SEMA3A: variants seen among roughly 807,000 people sequenced by gnomAD.
SEMA3A encodes the protein semaphorin-3A.
Under a neutral mutation model 97.9 loss-of-function variants are expected in SEMA3A, and 29 were observed. The observed-to-expected ratio is 0.30, with a 90% confidence interval of 0.22 to 0.40. SEMA3A has a LOEUF of 0.40. SEMA3A is among the 10% of genes least tolerant of loss of function. SEMA3A has a pLI of 1.00. For missense variants in SEMA3A, 763 were observed against 951.3 expected, an observed-to-expected ratio of 0.80 and a Z score of 2.60; for synonymous variants, 321 against 323.7, an observed-to-expected ratio of 0.99 and a Z score of 0.09.
intron 1 of SEMA3A, among the ~76,000 whole-genome samples, chr7:84,430,692 G>C (rs1025005134): frequency 6.6e-6 from 1 of 151,846 alleles, no homozygotes; most frequent in Admixed American, 6.6e-5. Flanking sequence ...TGGGAAACAG[G>C]TTGGCTGAGA....
chr7:84,090,376 T>C (rs1418938668), intron 4 of SEMA3A, among the ~76,000 whole-genome samples: 1 of 152,204 alleles, frequency 6.6e-6, no homozygotes, highest in Non-Finnish European at 1.5e-5. Flanking sequence ...AACTTCTTTA[T>C]GTATTGATCC....
At chr7:84,321,898 A>AAAAAAAAAAAAAAC (rs1562902785) in intron 2 of SEMA3A, among the ~76,000 whole-genome samples, 1 of 61,770 alleles carries the variant, frequency 1.6e-5, no homozygotes, top group Non-Finnish European at 2.9e-5. Flanking sequence ...AAAAAAAAAA[A>AAAAAAAAAAAAAAC]AGAAGAAGAA....
intron 2 of SEMA3A, among the ~76,000 whole-genome samples, chr7:84,129,505 G>C (rs143250236): frequency 4.3e-4 from 65 of 152,250 alleles, no homozygotes; most frequent in African/African-American, 1.5e-3. Context: ...TTGAGAGAAC[G>C]TGAGAATTTA....
intron 3 of SEMA3A, among the ~76,000 whole-genome samples, chr7:84,201,236 T>C (rs921771868): frequency 3.9e-4 from 60 of 152,070 alleles, no homozygotes; most frequent in Admixed American, 3.9e-3. Flanking sequence ...ACTTTTTTCT[T>C]TGTCTTAAAT....
At chr7:84,140,371 C>T (rs1003369091) in intron 1 of SEMA3A, among the ~76,000 whole-genome samples, 5 of 152,088 alleles carry the variant, frequency 3.3e-5, no homozygotes, top group Admixed American at 3.3e-4. Context: ...GGAAGAACTC[C>T]TGTATATTTG....
At chr7:84,007,949 G>A (rs1015715396) in intron 9 of SEMA3A, among the ~76,000 whole-genome samples, 5 of 152,136 alleles carry the variant, frequency 3.3e-5, no homozygotes, top group South Asian at 2.1e-4. Context: ...ACAAAAGATC[G>A]TGTCAAATGA....
intron 3 of SEMA3A, among the ~76,000 whole-genome samples, chr7:84,261,349 A>G (rs924845400): frequency 6.6e-6 from 1 of 152,190 alleles, no homozygotes; most frequent in Admixed American, 6.5e-5. Context: ...GCAGGACTGA[A>G]AGAGCTATAA....
chr7:84,232,770 C>A (rs1233966092), intron 3 of SEMA3A, among the ~76,000 whole-genome samples: 1 of 151,858 alleles, frequency 6.6e-6, no homozygotes, highest in Non-Finnish European at 1.5e-5. Flanking sequence ...CTCTTCAAAT[C>A]CAAAAGAATG....
chr7:84,425,196 A>C (rs1302217651), intron 1 of SEMA3A, among the ~76,000 whole-genome samples: 1 of 116,510 alleles, frequency 8.6e-6, no homozygotes, highest in Non-Finnish European at 1.6e-5. Flanking sequence ...TATTTACATA[A>C]ATAAATTTAC....
At chr7:84,227,750 G>A (rs560683847) in intron 3 of SEMA3A, among the ~76,000 whole-genome samples, 5 of 151,934 alleles carry the variant, frequency 3.3e-5, no homozygotes, top group Non-Finnish European at 7.4e-5. Flanking sequence ...TGAAATACCC[G>A]GCTTATGCAA....
intron 2 of SEMA3A, among the ~76,000 whole-genome samples, chr7:84,365,484 T>C (rs1802825360): frequency 7.4e-6 from 1 of 135,090 alleles, no homozygotes; most frequent in South Asian, 2.3e-4. Flanking sequence ...CAAACCCTCA[T>C]CTCTCTTTGT....
intron 2 of SEMA3A, among the ~76,000 whole-genome samples, chr7:84,331,245 C>A (rs1411665951): frequency 6.6e-6 from 1 of 151,936 alleles, no homozygotes; most frequent in Non-Finnish European, 1.5e-5. Flanking sequence ...AAGGAATTTG[C>A]CAGGGGTATT....
chr7:83,965,651 TA>T (rs1562943508), intron 15 of SEMA3A, among the ~76,000 whole-genome samples: 182 of 13,302 alleles, frequency 0.014, 6 homozygotes, highest in Non-Finnish European at 0.022. Context: ...TATATATATA[TA>T]TATATATATA....
intron 1 of SEMA3A, among the ~76,000 whole-genome samples, chr7:84,135,306 T>C (rs1463700914): frequency 2.0e-5 from 3 of 152,080 alleles, no homozygotes; most frequent in East Asian, 3.9e-4. Flanking sequence ...AGATGGGGTT[T>C]CTCCATGTTG....
intron 4 of SEMA3A, among the ~76,000 whole-genome samples, chr7:84,071,279 T>C (rs1482440860): frequency 6.6e-6 from 1 of 152,090 alleles, no homozygotes; most frequent in African/African-American, 2.4e-5. Flanking sequence ...CGTGTCCAAA[T>C]TCTGAATCCT....
In SEMA3A at chr7:84,043,432, T is replaced by TTTG. The variant is rs1463383946; in HGVS notation, c.667+2891_667+2892insCAA. On this transcript the variant is annotated intron_variant, in intron 6 of 16. Coordinates refer to ENST00000265362, the MANE Select transcript of SEMA3A (RefSeq NM_006080.3). Reference sequence around the variant, plus strand: ...AAAATTAAAAGTCATCTAAAATAGGTGAACTGATTCTTCCAAAAGAGTTGA... The same window carrying TTTG: ...AAAATTAAAAGTCATCTAAAATAGGTTTGGAACTGATTCTTCCAAAAGAGTTGA... 3.3e-5 allele frequency among the ~76,000 whole-genome samples: 5 copies of TTTG among 152,206 alleles called. No homozygotes were observed. In the East Asian group the frequency reaches 7.7e-4, roughly 24 times the overall value.
At chr7:84,390,636 G>T (rs1014958859) in intron 1 of SEMA3A, among the ~76,000 whole-genome samples, 25 of 152,046 alleles carry the variant, frequency 1.6e-4, no homozygotes, top group African/African-American at 5.6e-4. Context: ...AATAAGTACT[G>T]TGAACTGAAC....
intron 3 of SEMA3A, among the ~76,000 whole-genome samples, chr7:84,302,445 C>A (rs1299839392): frequency 1.2e-4 from 18 of 152,202 alleles, no homozygotes. Context: ...TTTTTACATA[C>A]CTCAAGGACT....
chr7:84,004,457 C>T (rs1790583909), intron 11 of SEMA3A, among the ~76,000 whole-genome samples: 1 of 151,908 alleles, frequency 6.6e-6, no homozygotes, highest in African/African-American at 2.4e-5. Flanking sequence ...ATGACAGAAA[C>T]ACTGAAAAAA....
Sources: gnomAD v4.1 joint callset for allele counts (sites outside exome capture counted in the v4.1 genomes callset) on GRCh38, gnomAD v4.1.1 for gene constraint, MANE v1.5 for transcripts, NCBI Gene and HGNC (gene_info 2026-07-23, HGNC 2026-07-21) for gene names.